KIF6: variants seen among roughly 807,000 people sequenced by gnomAD.
KIF6 encodes the protein kinesin-like protein KIF6.
KIF6 carries 106 observed loss-of-function variants against 112.7 expected under a neutral mutation model. The observed-to-expected ratio is 0.94, with a 90% CI of 0.80 to 1.11. The LOEUF is 1.11. Ranked by LOEUF, KIF6 falls within the 50% of genes least tolerant of loss-of-function variation. The pLI, the probability that KIF6 is intolerant of heterozygous loss-of-function variation, is 0.00. For missense variants in KIF6, 929 were observed against 964.0 expected (o/e 0.96, Z 0.48); for synonymous variants, 339 against 339.9 (o/e 1.00, Z 0.03).
At chr6:39,457,321 A>G (rs1773187800) in intron 13 of KIF6, among the ~76,000 whole-genome samples, 1 of 148,694 alleles carries the variant, frequency 6.7e-6, no homozygotes, top group Non-Finnish European at 1.5e-5. Flanking sequence ...TTTGAAACCA[A>G]CGAGAACAAA....
In KIF6 at chr6:39,725,291, T is replaced by C. The variant is rs1790482379; in HGVS notation, c.20A>G (p.Gln7Arg). 6.2e-7 allele frequency: 1 copy of C among 1,610,928 alleles called. No homozygotes were observed. Among genetic ancestry groups the C allele is most frequent in the South Asian group, 1.1e-5 (1 of 90,542 alleles). The change falls in exon 1 of 23, where the codon CAG (glutamine) becomes CGG (arginine). Residue 7 changes from glutamine to arginine, a missense_variant. Transcript: ENST00000287152. The part of the protein sequence containing the change: MVKQTI[Q>R]IFARVKPPVR... ...AGGGGGCTTCACCCTCGCGAATATC[T>C]GGATAGTCTGCTTCACCATCTCCTC...
At chr6:39,537,070 A>C (rs1778475575) in intron 13 of KIF6, among the ~76,000 whole-genome samples, 1 of 152,220 alleles carries the variant, frequency 6.6e-6, no homozygotes. Flanking sequence ...GTATCTCAAA[A>C]TAATAAGAGC....
chr6:39,614,957 G>T (rs531081330), intron 5 of KIF6, among the ~76,000 whole-genome samples: 1 of 152,252 alleles, frequency 6.6e-6, no homozygotes, highest in African/African-American at 2.4e-5. Flanking sequence ...ATAGGTGAGA[G>T]AAGTTAAGTA....
chr6:39,413,600 T>C (rs1484725170), intron 15 of KIF6, among the ~76,000 whole-genome samples: 1 of 152,098 alleles, frequency 6.6e-6, no homozygotes, highest in Non-Finnish European at 1.5e-5. Flanking sequence ...CAAGGTCCCT[T>C]TCAACGAAGG....
chr6:39,484,780 A>G (rs147433485), intron 13 of KIF6, among the ~76,000 whole-genome samples: 8 of 152,298 alleles, frequency 5.3e-5, no homozygotes, highest in Middle Eastern at 3.4e-3. Flanking sequence ...GGGCCTGTAT[A>G]TATAAAGGTG....
chr6:39,655,468 A>C (rs1423480093), intron 3 of KIF6, among the ~76,000 whole-genome samples: 2 of 152,046 alleles, frequency 1.3e-5, no homozygotes, highest in Non-Finnish European at 1.5e-5. Context: ...AATTAAGTCA[A>C]ATTTTTTTCT....
At chr6:39,693,182 A>G (rs1788329377) in intron 3 of KIF6, among the ~76,000 whole-genome samples, 1 of 152,222 alleles carries the variant, frequency 6.6e-6, no homozygotes, top group Admixed American at 6.5e-5. Flanking sequence ...TAAACAAGGA[A>G]AGGAAGAGAG....
chr6:39,519,947 G>A (rs1391593738), intron 13 of KIF6, among the ~76,000 whole-genome samples: 5 of 152,086 alleles, frequency 3.3e-5, no homozygotes, highest in African/African-American at 4.8e-5. Flanking sequence ...GCTTGAACCC[G>A]GGGGGCAGAG....
chr6:39,349,526 G>C (rs778392095), intron 19 of KIF6, among the ~76,000 whole-genome samples: 1 of 151,886 alleles, frequency 6.6e-6, no homozygotes, highest in Non-Finnish European at 1.5e-5. Flanking sequence ...GAGAAGAGGC[G>C]AGTGGAGGAG....
intron 3 of KIF6, among the ~76,000 whole-genome samples, chr6:39,681,751 T>C (rs1490701911): frequency 1.3e-5 from 2 of 152,216 alleles, no homozygotes; most frequent in Non-Finnish European, 2.9e-5. Context: ...CCTTAGTTTC[T>C]GTGGACTGGA....
intron 5 of KIF6, among the ~76,000 whole-genome samples, chr6:39,627,884 A>G (rs941216619): frequency 6.6e-6 from 1 of 152,174 alleles, no homozygotes; most frequent in Non-Finnish European, 1.5e-5. Flanking sequence ...GATTCTAACT[A>G]TAGTCCTTTT....
chr6:39,710,298 C>T (rs1789467811), intron 3 of KIF6, among the ~76,000 whole-genome samples: 2 of 152,152 alleles, frequency 1.3e-5, no homozygotes, highest in Admixed American at 1.3e-4. Context: ...CCCATAGACA[C>T]ATGGGTAGGC....
At chr6:39,359,889 T>G (rs887941130) in intron 18 of KIF6, among the ~76,000 whole-genome samples, 1 of 152,212 alleles carries the variant, frequency 6.6e-6, no homozygotes, top group Non-Finnish European at 1.5e-5. Context: ...GTGCCCAGCC[T>G]GATTCTATTT....
intron 7 of KIF6, among the ~76,000 whole-genome samples, chr6:39,589,687 G>T (rs191530081): frequency 6.6e-6 from 1 of 152,302 alleles, no homozygotes; most frequent in East Asian, 1.9e-4. Flanking sequence ...GGGGGGCATG[G>T]TGGCAGAGGC....
At chr6:39,534,157 C>T (rs966882358) in intron 13 of KIF6, among the ~76,000 whole-genome samples, 1 of 152,208 alleles carries the variant, frequency 6.6e-6, no homozygotes, top group African/African-American at 2.4e-5. Flanking sequence ...CAGAGCACCT[C>T]TCCTCCTCCA....
At chr6:39,634,375 A>G (rs1210483416) in intron 5 of KIF6, among the ~76,000 whole-genome samples, 3 of 152,178 alleles carry the variant, frequency 2.0e-5, no homozygotes, top group African/African-American at 7.2e-5. Flanking sequence ...TGATCAAATG[A>G]TTGCCAAAGT....
At chr6:39,503,081 T>C (rs2150495490) in intron 13 of KIF6, among the ~76,000 whole-genome samples, 1 of 152,098 alleles carries the variant, frequency 6.6e-6, no homozygotes, top group Non-Finnish European at 1.5e-5. Context: ...ATTGATCACA[T>C]AAATTAGAAG....
chr6:39,533,992 G>C (rs1778246000), intron 13 of KIF6, among the ~76,000 whole-genome samples: 1 of 152,246 alleles, frequency 6.6e-6, no homozygotes, highest in South Asian at 2.1e-4. Context: ...CAGACCTGCA[G>C]CTGAGGGTCC....
chr6:39,502,097 G>A (rs1271598877), intron 13 of KIF6, among the ~76,000 whole-genome samples: 3 of 152,088 alleles, frequency 2.0e-5, no homozygotes, highest in African/African-American at 4.8e-5. Flanking sequence ...AGAAAGGCCA[G>A]GTCACCTACA....
Sources: allele counts gnomAD v4.1 joint callset (sites outside exome capture counted in the v4.1 genomes callset), GRCh38; gene constraint gnomAD v4.1.1; transcripts MANE v1.5; gene names NCBI Gene and HGNC (gene_info 2026-07-23, HGNC 2026-07-21).